TRPC4AP: variants seen among roughly 807,000 people sequenced by gnomAD.
The protein encoded by TRPC4AP is short transient receptor potential channel 4-associated protein.
A neutral mutation model predicts 99.0 loss-of-function variants in TRPC4AP; 45 were observed. The ratio of observed to expected loss-of-function variants is 0.45; its 90% CI spans 0.36 to 0.58. The LOEUF (loss-of-function observed/expected upper bound fraction) is 0.58, where lower values mean the gene tolerates loss of function less well. Ranked by LOEUF, TRPC4AP falls within the 20% of genes least tolerant of loss-of-function variation. TRPC4AP has a pLI of 0.00. For missense variants in TRPC4AP, 879 were observed against 985.3 expected (o/e 0.89, Z 1.44); for synonymous variants, 408 against 385.8 (o/e 1.06, Z -0.67).
At chr20:35,008,050 G>A (rs866471982) in intron 13 of TRPC4AP, among the ~76,000 whole-genome samples, 15 of 152,320 alleles carry the variant, frequency 9.8e-5, no homozygotes, top group African/African-American at 3.6e-4. Flanking sequence ...ACGATGGGCT[G>A]GCCTAGGGAA....
At chr20:35,011,386 C>T (rs1307813346) in intron 11 of TRPC4AP, among the ~76,000 whole-genome samples, 2 of 152,220 alleles carry the variant, frequency 1.3e-5, no homozygotes, top group Admixed American at 1.3e-4. Context: ...TCACTGGCAA[C>T]ACGGCAGGCA....
chr20:35,032,838 T>C (rs2083233761), intron 8 of TRPC4AP, among the ~76,000 whole-genome samples: 1 of 152,026 alleles, frequency 6.6e-6, no homozygotes, highest in South Asian at 2.1e-4. Context: ...GAAATTTCTG[T>C]TGCCTGCTTT....
chr20:35,052,950 G>A (rs755355369), intron 5 of TRPC4AP, among the ~76,000 whole-genome samples: 10 of 152,108 alleles, frequency 6.6e-5, no homozygotes, highest in Admixed American at 6.6e-4. Context: ...TTGCAACCCT[G>A]AGAGCCCCAG....
chr20:35,028,691 G>A (rs1312287058), intron 8 of TRPC4AP, among the ~76,000 whole-genome samples: 1 of 152,046 alleles, frequency 6.6e-6, no homozygotes, highest in African/African-American at 2.4e-5. Flanking sequence ...GTCCTTGTTG[G>A]TATACAGTGT....
At chr20:35,073,139 T>A (rs1437972604) in intron 2 of TRPC4AP, among the ~76,000 whole-genome samples, 1 of 152,210 alleles carries the variant, frequency 6.6e-6, no homozygotes, top group African/African-American at 2.4e-5. Flanking sequence ...TCCTGAGACT[T>A]TGCTGAAGCT....
intron 8 of TRPC4AP, among the ~76,000 whole-genome samples, chr20:35,026,470 C>T (rs780983923): frequency 1.4e-3 from 212 of 152,290 alleles, no homozygotes; most frequent in Non-Finnish European, 1.4e-3. Flanking sequence ...CCTGCCTCAG[C>T]CTCCCAAAGT....
chr20:35,075,752 C>T (rs1183611286), intron 2 of TRPC4AP, among the ~76,000 whole-genome samples: 3 of 152,136 alleles, frequency 2.0e-5, no homozygotes, highest in Admixed American at 6.5e-5. Context: ...TTCCTCTCCT[C>T]GAGGAGTATC....
Position 35,016,049 on chromosome 20 carries a change from G to A in TRPC4AP, c.1309C>T (p.Leu437Phe), listed in dbSNP as rs1412269329. Reference sequence around the variant, plus strand: ...TTCTGGTTGTGACCATGGAGGACAAGGGCAGATGCTGAATGCTTCCTCCAA... The same window carrying A: ...TTCTGGTTGTGACCATGGAGGACAAAGGCAGATGCTGAATGCTTCCTCCAA... ...LIWRKHSASA[L>F]VLHGHNQNCD... The change falls in exon 10 of 19, where the codon CTT becomes TTT. Residue 437 changes from leucine (L) to phenylalanine (F), a missense_variant. Leu to Phe is a conservative substitution (Grantham distance 22, BLOSUM62 0). Coordinates refer to ENST00000252015, the MANE Select transcript of TRPC4AP (RefSeq NM_015638.3). 1.2e-6 allele frequency: 2 copies of A among 1,614,048 alleles called. No homozygotes were observed. The highest frequency in any genetic ancestry group is 1.3e-5 in the African/African-American group (1 of 74,924).
chr20:35,025,573 T>C (rs1225882492), intron 8 of TRPC4AP, among the ~76,000 whole-genome samples: 1 of 152,198 alleles, frequency 6.6e-6, no homozygotes, highest in Non-Finnish European at 1.5e-5. Context: ...GAAACATCTA[T>C]TCAGATCCTT....
Position 35,005,679 on chromosome 20 carries a change from C to A in TRPC4AP, c.1936+16G>T. The A allele has an allele frequency of 6.2e-7, 1 of 1,611,926 alleles. No homozygotes were observed. Among genetic ancestry groups the A allele is most frequent in the East Asian group, 2.2e-5 (1 of 44,868 alleles). On this transcript the variant is annotated intron_variant, in intron 16 of 18. Coordinates refer to ENST00000252015, the MANE Select transcript of TRPC4AP (RefSeq NM_015638.3). ...TACCCTGCATGACTTGCCTTGACAG[C>A]CTGCCTTTCATGTACCTTTCATATC... is the stretch of plus-strand genomic sequence containing the variant.
At chr20:35,067,588 T>A (rs2145986169) in intron 3 of TRPC4AP, among the ~76,000 whole-genome samples, 1 of 152,264 alleles carries the variant, frequency 6.6e-6, no homozygotes, top group Non-Finnish European at 1.5e-5. Flanking sequence ...GCACTGTTAT[T>A]CATAATAGCA....
intron 10 of TRPC4AP, 107 bp from the exon 11 acceptor site, chr20:35,013,173 T>C (rs1947421088): frequency 5.9e-6 from 6 of 1,019,560 alleles, no homozygotes; most frequent in Non-Finnish European, 9.1e-6. Context: ...TCTGTCCTCA[T>C]GTACCATGAG....
Position 35,004,577 on chromosome 20 carries a change from A to G in TRPC4AP, c.1937-7T>C. The G allele has an allele frequency of 6.2e-7, 1 of 1,612,130 alleles. No individual in the cohort carries two copies. The highest frequency in any genetic ancestry group is 1.1e-5 in the South Asian group (1 of 90,778). On this transcript the variant is annotated splice_polypyrimidine_tract_variant and splice_region_variant and intron_variant, in intron 16 of 18. Coordinates refer to ENST00000252015, the MANE Select transcript of TRPC4AP (RefSeq NM_015638.3). ...TCAGACAGTACCTCGGCAACTGTGG[A>G]GGGAGGCAGGGGTGCAGCAGGTCAG...
At position 35,063,580 on chromosome 20, in the gene TRPC4AP, G is replaced by A. The variant is rs1291996642; in HGVS notation, c.414+5716C>T. ...TTTCAATAAAGCTGTTATTGCTGGG[G>A]AGGCAGGGTGGCTCGTGCCTATAAT... On this transcript the variant is annotated intron_variant, in intron 3 of 18. Transcript: ENST00000252015. Among the ~76,000 whole-genome samples the A allele has an allele frequency of 2.0e-5, 3 of 152,140 alleles. No individual in the cohort carries two copies. The East Asian group carries it at 5.8e-4, about 29-fold the overall frequency.
At chr20:35,060,072 A>G (rs1455670785) in intron 3 of TRPC4AP, among the ~76,000 whole-genome samples, 1 of 152,208 alleles carries the variant, frequency 6.6e-6, no homozygotes, top group Non-Finnish European at 1.5e-5. Flanking sequence ...TGATGGCTCC[A>G]TTGGTGAACA....
rs550220667 is a variant in TRPC4AP at position 35,044,411 on chromosome 20, A to G, written c.865+94T>C. 8.5e-5 allele frequency: 111 copies of G among 1,303,002 alleles called. 1 individual carries two copies. The East Asian group carries it at 1.9e-3, about 23-fold the overall frequency. 80.7% of individuals were successfully genotyped at this position (1,303,002 alleles called of 1,614,324 possible). On this transcript the variant is annotated intron_variant, in intron 7 of 18. Coordinates refer to ENST00000252015, the MANE Select transcript of TRPC4AP (RefSeq NM_015638.3). ...CCATCTCAAAAAAGGAAAAAAAAAA[A>G]AAAAGAAAAGAAAAGAAAAAGAAAA...
intron 1 of TRPC4AP, among the ~76,000 whole-genome samples, chr20:35,086,862 G>A (rs527385886): frequency 3.3e-5 from 5 of 151,862 alleles, no homozygotes; most frequent in Admixed American, 1.3e-4. Flanking sequence ...GTGAAACCCT[G>A]TCTTTACTAA....
chr20:35,019,845 G>A (rs1272949911), intron 9 of TRPC4AP, among the ~76,000 whole-genome samples: 1 of 152,152 alleles, frequency 6.6e-6, no homozygotes, highest in African/African-American at 2.4e-5. Flanking sequence ...GACTCCCAAA[G>A]TGATACCTCC....
At chr20:35,075,738 G>A (rs2146008898) in intron 2 of TRPC4AP, among the ~76,000 whole-genome samples, 1 of 152,230 alleles carries the variant, frequency 6.6e-6, no homozygotes, top group Admixed American at 6.5e-5. Flanking sequence ...TATGTGTCTT[G>A]GAGTTCCTCT....
Sources: allele counts gnomAD v4.1 joint callset (sites outside exome capture counted in the v4.1 genomes callset), GRCh38; gene constraint gnomAD v4.1.1; transcripts MANE v1.5; gene names NCBI Gene and HGNC (gene_info 2026-07-23, HGNC 2026-07-21).